Variants in DTWD2 observed in about 807,000 individuals in gnomAD.
The protein encoded by DTWD2 is tRNA-uridine aminocarboxypropyltransferase 2.
DTWD2 carries 39 observed loss-of-function variants against 31.8 expected under a neutral mutation model. The observed-to-expected ratio is 1.22, with a 90% CI of 0.95 to 1.60. The LOEUF (loss-of-function observed/expected upper bound fraction) is 1.60, where lower values mean the gene tolerates loss of function less well. DTWD2 is among the 40% of genes most tolerant of loss of function. The pLI, the probability that DTWD2 is intolerant of heterozygous loss-of-function variation, is 0.00. For missense variants in DTWD2, 515 were observed against 381.5 expected, an observed-to-expected ratio of 1.35 and a Z score of -2.92; for synonymous variants, 180 against 142.8, an observed-to-expected ratio of 1.26 and a Z score of -1.86.
At chr5:118,982,746 T>C (rs1378224231) in intron 1 of DTWD2, among the ~76,000 whole-genome samples, 1 of 148,500 alleles carries the variant, frequency 6.7e-6, no homozygotes, top group African/African-American at 2.5e-5. Context: ...TGGAGTGCAG[T>C]GGAGCAATCT....
At chr5:118,869,177 T>C (rs1580776519) in intron 4 of DTWD2, among the ~76,000 whole-genome samples, 1 of 152,262 alleles carries the variant, frequency 6.6e-6, no homozygotes, top group South Asian at 2.1e-4. Context: ...TCCACCGAAC[T>C]ATATATTTAA....
intron 4 of DTWD2, among the ~76,000 whole-genome samples, chr5:118,918,349 T>C (rs929328611): frequency 6.6e-6 from 1 of 151,852 alleles, no homozygotes; most frequent in Non-Finnish European, 1.5e-5. Flanking sequence ...TTTTTTGAGA[T>C]GGAGTCTCGC....
At chr5:118,970,006 A>G (rs994882987) in intron 1 of DTWD2, among the ~76,000 whole-genome samples, 2 of 152,230 alleles carry the variant, frequency 1.3e-5, no homozygotes, top group African/African-American at 4.8e-5. Context: ...GATGGAGCTG[A>G]AAAACACAAT....
chr5:118,867,645 C>T (rs1752406746), intron 4 of DTWD2, among the ~76,000 whole-genome samples: 1 of 152,076 alleles, frequency 6.6e-6, no homozygotes, highest in Non-Finnish European at 1.5e-5. Context: ...TCGGACTGAG[C>T]CCAAGAATGT....
At chr5:118,866,927 AT>A (rs1165357096) in intron 4 of DTWD2, among the ~76,000 whole-genome samples, 3 of 152,062 alleles carry the variant, frequency 2.0e-5, no homozygotes, top group Non-Finnish European at 2.9e-5. Flanking sequence ...AAAAAAAAAA[AT>A]GAAAATAAAA....
intron 4 of DTWD2, among the ~76,000 whole-genome samples, chr5:118,851,980 C>G (rs947403874): frequency 2.6e-5 from 4 of 152,174 alleles, no homozygotes; most frequent in Non-Finnish European, 4.4e-5. Flanking sequence ...CAGTCCTTAT[C>G]TCAACCGCAG....
In DTWD2 at chr5:118,950,243, T is replaced by C. The variant is rs1056293582; in HGVS notation, c.219-5594A>G. 2.0e-5 allele frequency among the ~76,000 whole-genome samples: 3 copies of C among 147,460 alleles called. No homozygotes were observed. The South Asian group carries it at 6.5e-4, about 32-fold the overall frequency. On this transcript the variant is annotated intron_variant, in intron 1 of 5. Coordinates refer to ENST00000510708, the MANE Select transcript of DTWD2 (RefSeq NM_173666.4). ...AAAAAAAAAAAAAAAAAAAAGAATA[T>C]TGTCTAAGTTGGCACCAGAGTTGGG...
intron 4 of DTWD2, among the ~76,000 whole-genome samples, chr5:118,859,530 G>C (rs995634221): frequency 1.3e-5 from 2 of 151,916 alleles, no homozygotes; most frequent in African/African-American, 4.8e-5. Flanking sequence ...CGTTCAATTG[G>C]CTCCTGCAGC....
intron 4 of DTWD2, among the ~76,000 whole-genome samples, chr5:118,866,057 G>GTT (rs1752375285): frequency 6.6e-6 from 1 of 152,012 alleles, no homozygotes. Context: ...GGGAAGGAGA[G>GTT]TAACTGATGA....
rs1301850614 is a variant in DTWD2, at chr5:118,837,650, T to C, written c.*3267A>G. The C allele has an allele frequency of 2.0e-5, 3 of 152,176 alleles. No individual in the cohort carries two copies. The highest frequency in any genetic ancestry group is 4.4e-5 in the Non-Finnish European group (3 of 68,032). The allele number at this position is 152,176 out of a possible 1,614,324, so 9.4% of individuals were successfully genotyped here. A position where few individuals can be genotyped will look rare whatever the true frequency, so the allele number is the denominator to read the frequency against. ...AATTATACAGAAGTGCTCTTCTATATAATTTACTGAGAGGCCAAGGCAGAA... is the reference window on the plus strand; with the variant it reads ...AATTATACAGAAGTGCTCTTCTATACAATTTACTGAGAGGCCAAGGCAGAA... On this transcript the variant is annotated 3_prime_UTR_variant, in exon 6 of 6. Coordinates refer to ENST00000510708, the MANE Select transcript of DTWD2 (RefSeq NM_173666.4).
chr5:118,987,158 C>T (rs1222846551), intron 1 of DTWD2, among the ~76,000 whole-genome samples: 2 of 152,152 alleles, frequency 1.3e-5, no homozygotes, highest in Non-Finnish European at 2.9e-5. Context: ...CCCCTCCAAA[C>T]ATTTTTAAAT....
intron 3 of DTWD2, among the ~76,000 whole-genome samples, chr5:118,929,853 A>G (rs930566147): frequency 6.6e-6 from 1 of 152,170 alleles, no homozygotes; most frequent in African/African-American, 2.4e-5. Flanking sequence ...AAGTCTGACA[A>G]CCTTAATGGT....
chr5:118,974,280 C>T (rs1036342034), intron 1 of DTWD2, among the ~76,000 whole-genome samples: 1 of 152,134 alleles, frequency 6.6e-6, no homozygotes, highest in African/African-American at 2.4e-5. Context: ...ACGCGCTCTC[C>T]ACCACCCAAC....
At chr5:118,875,949 C>G (rs1036530732) in intron 4 of DTWD2, among the ~76,000 whole-genome samples, 4 of 152,142 alleles carry the variant, frequency 2.6e-5, no homozygotes, top group African/African-American at 9.7e-5. Context: ...ATCACATAAT[C>G]AGAAGTAAAA....
At chr5:118,848,829 A>G (rs1751928939) in intron 4 of DTWD2, among the ~76,000 whole-genome samples, 1 of 152,228 alleles carries the variant, frequency 6.6e-6, no homozygotes. Flanking sequence ...CCATACACAG[A>G]AAACTGAAAC....
chr5:118,942,654 A>G (rs541159029), intron 2 of DTWD2, among the ~76,000 whole-genome samples: 30 of 152,234 alleles, frequency 2.0e-4, no homozygotes, highest in African/African-American at 7.0e-4. Context: ...TACAAAAAAT[A>G]GAAAGAAAAC....
At chr5:118,936,505 G>A (rs1754048924) in intron 3 of DTWD2, among the ~76,000 whole-genome samples, 1 of 151,904 alleles carries the variant, frequency 6.6e-6, no homozygotes, top group Non-Finnish European at 1.5e-5. Flanking sequence ...ATTTACAGCT[G>A]AAATGTTTAT....
intron 1 of DTWD2, among the ~76,000 whole-genome samples, chr5:118,971,996 C>T (rs575642941): frequency 2.0e-5 from 3 of 152,306 alleles, no homozygotes; most frequent in Admixed American, 6.5e-5. Context: ...ATACATAGCA[C>T]TAAATGCCCA....
Position 118,958,926 on chromosome 5 carries a change from C to A in DTWD2, c.219-14277G>T, listed in dbSNP as rs183068611. ...CTTCATGTTAAAAATCCTCAACAAA[C>A]TAGGCACTAAAGGAACTTACCTCAA... On this transcript the variant is annotated intron_variant, in intron 1 of 5. Coordinates refer to ENST00000510708, the MANE Select transcript of DTWD2 (RefSeq NM_173666.4). Among the ~76,000 whole-genome samples the A allele has an allele frequency of 3.2e-4, 48 of 152,274 alleles. 1 individual carries two copies. The East Asian group carries it at 7.9e-3, about 25-fold the overall frequency.
Sources: gnomAD v4.1 joint callset for allele counts (sites outside exome capture counted in the v4.1 genomes callset) on GRCh38, gnomAD v4.1.1 for gene constraint, MANE v1.5 for transcripts, NCBI Gene and HGNC (gene_info 2026-07-23, HGNC 2026-07-21) for gene names.